MTMR14: variants seen among roughly 807,000 people sequenced by gnomAD.
The protein encoded by MTMR14 is phosphatidylinositol-3,5-bisphosphate 3-phosphatase MTMR14.
A neutral mutation model predicts 86.3 loss-of-function variants in MTMR14; 48 were observed. The observed-to-expected ratio is 0.56, with a 90% CI of 0.44 to 0.71. MTMR14 has a LOEUF of 0.71. Among genes scored for constraint, MTMR14 ranks in the 30% least tolerant of loss-of-function variants. The probability of loss-of-function intolerance (pLI) is 0.00; values close to 1 mark genes in which losing one functional copy is unlikely to be tolerated. For synonymous variants in MTMR14, 366 were observed against 326.1 expected (o/e 1.12, Z -1.32); for missense variants, 780 against 834.6 (o/e 0.93, Z 0.81).
intron 3 of MTMR14, among the ~76,000 whole-genome samples, chr3:9,666,806 T>C (rs781224531): frequency 2.0e-5 from 3 of 152,164 alleles, no homozygotes; most frequent in Non-Finnish European, 4.4e-5. Context: ...CCTAACTAGG[T>C]AAATGGAGAG....
intron 2 of MTMR14, among the ~76,000 whole-genome samples, chr3:9,656,735 G>A (rs376721323): frequency 1.3e-5 from 2 of 152,102 alleles, no homozygotes; most frequent in Non-Finnish European, 1.5e-5. Flanking sequence ...CTTAGTTTCC[G>A]TAAATCTTTA....
chr3:9,693,727 C>T (rs1053347193), intron 17 of MTMR14, among the ~76,000 whole-genome samples: 2 of 152,098 alleles, frequency 1.3e-5, no homozygotes, highest in East Asian at 3.8e-4. Context: ...GCAGTTCATG[C>T]GTGTGTTCAA....
intron 1 of MTMR14, among the ~76,000 whole-genome samples, chr3:9,651,187 G>A (rs1023937821): frequency 4.6e-5 from 7 of 151,882 alleles, no homozygotes; most frequent in Admixed American, 3.9e-4. Context: ...CTGCAGCCTC[G>A]AAATCCTGGG....
intron 17 of MTMR14, among the ~76,000 whole-genome samples, chr3:9,693,055 G>C (rs1013986786): frequency 1.3e-5 from 2 of 152,138 alleles, no homozygotes; most frequent in African/African-American, 4.8e-5. Context: ...CTTCCTAGCT[G>C]TATACCTTCA....
At chr3:9,665,261 G>A (rs184510540) in intron 3 of MTMR14, among the ~76,000 whole-genome samples, 4 of 143,314 alleles carry the variant, frequency 2.8e-5, no homozygotes, top group Admixed American at 7.2e-5. Flanking sequence ...CAGCCTGGGC[G>A]ACAGTGTGAG....
At chr3:9,685,126 A>G in intron 12 of MTMR14, 85 bp from the exon 13 acceptor site, 2 of 1,585,030 alleles carry the variant, frequency 1.3e-6, no homozygotes, top group Non-Finnish European at 1.7e-6. Flanking sequence ...GGTGCCAGTG[A>G]CACAGTCTGT....
intron 7 of MTMR14, chr3:9,675,394 G>A (rs762543118): frequency 1.5e-5 from 4 of 270,108 alleles, no homozygotes; most frequent in Non-Finnish European, 3.0e-5. Flanking sequence ...CAAGTCACGA[G>A]CTGCACTTTG....
intron 1 of MTMR14, 113 bp from the exon 2 acceptor site, chr3:9,653,508 A>C: frequency 2.2e-6 from 3 of 1,361,428 alleles, no homozygotes; most frequent in Non-Finnish European, 3.1e-6. Flanking sequence ...GCACAGAATA[A>C]TTATCACCCA....
At chr3:9,654,678 T>A (rs2047493652) in intron 2 of MTMR14, among the ~76,000 whole-genome samples, 1 of 152,188 alleles carries the variant, frequency 6.6e-6, no homozygotes. Flanking sequence ...GTGGGTGAAA[T>A]GTTGTGAGGA....
At chr3:9,692,912 G>T (rs2076177351) in intron 17 of MTMR14, among the ~76,000 whole-genome samples, 1 of 152,168 alleles carries the variant, frequency 6.6e-6, no homozygotes, top group African/African-American at 2.4e-5. Flanking sequence ...TGACAGCCAG[G>T]TCCCCTCAGA....
chr3:9,697,931 G>A, intron 18 of MTMR14, 65 bp downstream of exon 18: 1 of 1,604,672 alleles, frequency 6.2e-7, no homozygotes, highest in Non-Finnish European at 8.5e-7. Flanking sequence ...TGAGCAGTCA[G>A]GAGTGCTGGG....
intron 12 of MTMR14, 35 bp from the exon 13 acceptor site, chr3:9,685,176 C>G: frequency 6.2e-7 from 1 of 1,614,110 alleles, no homozygotes; most frequent in Non-Finnish European, 8.5e-7. Flanking sequence ...CATCTTGGTG[C>G]TGCTGACTTT....
At chr3:9,668,074 T>A (rs1486472966) in intron 3 of MTMR14, among the ~76,000 whole-genome samples, 4 of 152,194 alleles carry the variant, frequency 2.6e-5, no homozygotes, top group Non-Finnish European at 5.9e-5. Flanking sequence ...CAAGTAACCT[T>A]ACAATTAGAT....
chr3:9,694,746 TTG>T (rs2076235411), intron 17 of MTMR14, among the ~76,000 whole-genome samples: 1 of 152,146 alleles, frequency 6.6e-6, no homozygotes, highest in Admixed American at 6.5e-5. Flanking sequence ...CCAGCTCGGT[TTG>T]TGTGAGTATT....
At chr3:9,685,116 G>A in intron 12 of MTMR14, 95 bp from the exon 13 acceptor site, 3 of 1,563,542 alleles carry the variant, frequency 1.9e-6, no homozygotes, top group Non-Finnish European at 2.6e-6. Context: ...CTGCCACGCT[G>A]GTGCCAGTGA....
Position 9,649,537 on chromosome 3 carries a change from T to A in MTMR14, c.-47T>A. 6.6e-7 allele frequency: 1 copy of A among 1,511,284 alleles called. No homozygotes were observed. Among genetic ancestry groups the A allele is most frequent in the Non-Finnish European group, 8.8e-7 (1 of 1,132,446 alleles). The allele number at this position is 1,511,284 out of a possible 1,614,324, so 93.6% of individuals were successfully genotyped here. Reference sequence around the variant, plus strand: ...AGTGTCGGAGTTGGGTGCAGGCAGGTGCCATGGGCCCGCTTGAGGCACACT... The same window carrying A: ...AGTGTCGGAGTTGGGTGCAGGCAGGAGCCATGGGCCCGCTTGAGGCACACT... On this transcript the variant is annotated 5_prime_UTR_variant, in exon 1 of 19. Coordinates refer to ENST00000296003, the MANE Select transcript of MTMR14 (RefSeq NM_001077525.3).
At chr3:9,658,230 A>G (rs1053158967) in intron 2 of MTMR14, among the ~76,000 whole-genome samples, 12 of 152,204 alleles carry the variant, frequency 7.9e-5, no homozygotes, top group African/African-American at 2.7e-4. Context: ...GGCTGTTACT[A>G]TGATGCTGAA....
At chr3:9,655,437 A>G (rs975174591) in intron 2 of MTMR14, among the ~76,000 whole-genome samples, 4 of 149,016 alleles carry the variant, frequency 2.7e-5, no homozygotes, top group African/African-American at 4.9e-5. Context: ...TCCAGTCTAC[A>G]TTCTGTGAGA....
Position 9,701,932 on chromosome 3 carries a change from C to T in MTMR14, c.1912C>T (p.Arg638Cys), listed in dbSNP as rs375966737. 20 of 1,614,092 alleles carry T rather than the reference C, an allele frequency of 1.2e-5. No individual in the cohort carries two copies. Among genetic ancestry groups the T allele is most frequent in the African/African-American group, 2.7e-5 (2 of 74,948 alleles). Residue 638 changes from arginine to cysteine, a missense_variant, in exon 19 of 19, where the codon CGT becomes TGT. By Grantham distance (180) the Arg-to-Cys change is radical (BLOSUM62 -3). Transcript: ENST00000296003. The surrounding 1 kb of genome is among the most constrained non-coding windows in gnomAD (Gnocchi z 4.2). ...AIGGLLEQFA[R>C]GVGLRSISSN... ...CGGGGGCCTGCTGGAGCAATTTGCC[C>T]GTGGTGTTGGACTCCGGAGCATCAG...
Sources: gnomAD v4.1 joint callset for allele counts (sites outside exome capture counted in the v4.1 genomes callset) on GRCh38, gnomAD v4.1.1 for gene constraint, Gnocchi (gnomAD v3.1) non-coding constraint, MANE v1.5 for transcripts, NCBI Gene and HGNC (gene_info 2026-07-23, HGNC 2026-07-21) for gene names.